Variants in SLC9A8 observed in about 807,000 individuals in gnomAD.
SLC9A8 encodes sodium/hydrogen exchanger 8.
SLC9A8 carries 48 observed loss-of-function variants against 66.6 expected under a neutral mutation model. The ratio of observed to expected loss-of-function variants is 0.72; its 90% CI spans 0.57 to 0.92. The LOEUF (loss-of-function observed/expected upper bound fraction) is 0.92, where lower values mean the gene tolerates loss of function less well. Ranked by LOEUF, SLC9A8 falls within the 40% of genes least tolerant of loss-of-function variation. The probability of loss-of-function intolerance (pLI) is 0.00; values close to 1 mark genes in which losing one functional copy is unlikely to be tolerated. For synonymous variants in SLC9A8, 274 were observed against 282.6 expected (o/e 0.97, Z 0.31); for missense variants, 599 against 747.3 (o/e 0.80, Z 2.31).
At chr20:49,835,725 A>T (rs1262203886) in intron 3 of SLC9A8, among the ~76,000 whole-genome samples, 1 of 119,770 alleles carries the variant, frequency 8.3e-6, no homozygotes, top group Non-Finnish European at 1.6e-5. Flanking sequence ...TTGCTCTATC[A>T]CCCAGGCTGG....
intron 3 of SLC9A8, among the ~76,000 whole-genome samples, chr20:49,833,203 G>A (rs896163171): frequency 3.3e-5 from 5 of 152,128 alleles, no homozygotes; most frequent in Admixed American, 2.6e-4. Context: ...CATGCCTAGC[G>A]TGTCCTTCCC....
chr20:49,843,183 C>T (rs1487899079), intron 4 of SLC9A8, among the ~76,000 whole-genome samples: 1 of 151,836 alleles, frequency 6.6e-6, no homozygotes, highest in Non-Finnish European at 1.5e-5. Context: ...GTAGATTCTC[C>T]TTTTTCCTGG....
rs6012764 is a variant in SLC9A8 at position 49,886,830 on chromosome 20, C to G, written c.1570C>G (p.Leu524Val). The G allele has an allele frequency of 6.2e-7, 1 of 1,614,078 alleles. No homozygotes were observed. The highest frequency in any genetic ancestry group is 8.5e-7 in the Non-Finnish European group (1 of 1,180,032). ...YEAHYIRRQD[L>V]KGFVWLDAKY... is the part of the protein sequence containing the mutation. Reference sequence around the variant, plus strand: ...GGCCCACTACATCAGGCGGCAGGACCTTAAGGGCTTCGTGTGGCTGGACGC... The same window carrying G: ...GGCCCACTACATCAGGCGGCAGGACGTTAAGGGCTTCGTGTGGCTGGACGC... Residue 524 changes from leucine (L) to valine (V), a missense_variant, in exon 15 of 16, where the codon CTT (leucine) becomes GTT (valine). Around this residue, in one of 2 missense-constraint regions of SLC9A8, gnomAD observed 467 missense variants for 626.5 expected, o/e 0.75. Coordinates refer to ENST00000361573, the MANE Select transcript of SLC9A8 (RefSeq NM_015266.3). The surrounding 1 kb of genome is among the most constrained non-coding windows in gnomAD (Gnocchi z 4.8).
intron 5 of SLC9A8, among the ~76,000 whole-genome samples, chr20:49,848,146 A>G (rs539610826): frequency 6.6e-6 from 1 of 151,798 alleles, no homozygotes; most frequent in Non-Finnish European, 1.5e-5. Context: ...TTGGTCTCGA[A>G]CTCCTGACCT....
At chr20:49,854,059 C>T (rs2088362424) in intron 7 of SLC9A8, among the ~76,000 whole-genome samples, 1 of 152,212 alleles carries the variant, frequency 6.6e-6, no homozygotes, top group Non-Finnish European at 1.5e-5. Context: ...AAGCTCAGGG[C>T]AGTCGTCTCT....
Position 49,874,734 on chromosome 20 carries a change from G to A in SLC9A8, c.988G>A (p.Val330Met), listed in dbSNP as rs763285483. 11 of 1,612,770 alleles carry A rather than the reference G, an allele frequency of 6.8e-6. No homozygotes were observed. The highest frequency in any genetic ancestry group is 3.3e-5 in the Admixed American group (2 of 60,026). The change falls in exon 11 of 16, where the codon GTG becomes ATG. Residue 330 changes from valine (V) to methionine (M), a missense_variant. Coordinates refer to ENST00000361573, the MANE Select transcript of SLC9A8 (RefSeq NM_015266.3). ...GIMAILFSGI[V>M]MSHYTHHNLS... ...CATGGCCATCCTTTTCTCAGGCATC[G>A]TGATGTCCCACTACACGCACCATAA...
At chr20:49,877,941 A>G (rs757476891) in intron 11 of SLC9A8, 40 bp from the exon 12 acceptor site, 2 of 1,392,714 alleles carry the variant, frequency 1.4e-6, no homozygotes, top group Non-Finnish European at 2.0e-6. Context: ...TTGGAATGAA[A>G]TCATTGGGGT....
intron 3 of SLC9A8, among the ~76,000 whole-genome samples, chr20:49,823,989 T>A (rs1023115156): frequency 7.2e-5 from 11 of 152,186 alleles, no homozygotes; most frequent in African/African-American, 2.4e-4. Context: ...CACAAGATAG[T>A]TATTGTTTAG....
intron 4 of SLC9A8, among the ~76,000 whole-genome samples, chr20:49,842,926 G>T (rs1172777761): frequency 6.6e-6 from 1 of 152,132 alleles, no homozygotes; most frequent in Admixed American, 6.5e-5. Context: ...GCTTGTGGCC[G>T]CATCACTCCT....
chr20:49,832,259 G>A (rs1383077419), intron 3 of SLC9A8, among the ~76,000 whole-genome samples: 1 of 152,132 alleles, frequency 6.6e-6, no homozygotes. Context: ...CTCAGCTCTT[G>A]ATATGGAAAT....
intron 11 of SLC9A8, 86 bp from the exon 12 acceptor site, chr20:49,877,895 T>C (rs1404557487): frequency 2.3e-6 from 2 of 863,646 alleles, no homozygotes; most frequent in Non-Finnish European, 1.8e-6. Flanking sequence ...GGATTCTGAC[T>C]GTGAATGTTT....
Position 49,874,688 on chromosome 20 carries a change from G to T in SLC9A8, c.959-17G>T. ...ATCACACGGCAGTGCTTTCTGTTCT[G>T]TTCTCTCCCTCTCTAGGCATCATGG... On this transcript the variant is annotated splice_polypyrimidine_tract_variant and intron_variant, in intron 10 of 15. Transcript: ENST00000361573. The T allele has an allele frequency of 2.0e-6, 3 of 1,480,818 alleles. No homozygotes were observed. Among genetic ancestry groups the T allele is most frequent in the Non-Finnish European group, 2.8e-6 (3 of 1,058,630 alleles). 91.7% of individuals were successfully genotyped at this position (1,480,818 alleles called of 1,614,324 possible).
In SLC9A8 at chr20:49,815,244, G is replaced by T; in HGVS notation, c.208+55G>T. ...CTGCCATCCCGTGTCTGTGTGCTCG[G>T]TCTGTGTGTTTAACCCTGTCACTCC... On this transcript the variant is annotated intron_variant, in intron 2 of 15. Coordinates refer to ENST00000361573, the MANE Select transcript of SLC9A8 (RefSeq NM_015266.3). 2.8e-6 allele frequency: 4 copies of T among 1,420,008 alleles called. No individual in the cohort carries two copies. The South Asian group carries it at 6.0e-5, about 21-fold the overall frequency. 88.0% of individuals were successfully genotyped at this position (1,420,008 alleles called of 1,614,324 possible).
At chr20:49,831,474 C>T (rs2087193455) in intron 3 of SLC9A8, among the ~76,000 whole-genome samples, 1 of 152,118 alleles carries the variant, frequency 6.6e-6, no homozygotes, top group Admixed American at 6.5e-5. Context: ...TGCCCAGAAA[C>T]AGCTGCCTGG....
intron 3 of SLC9A8, among the ~76,000 whole-genome samples, chr20:49,827,468 G>C (rs890631745): frequency 6.6e-6 from 1 of 151,616 alleles, no homozygotes; most frequent in Non-Finnish European, 1.5e-5. Flanking sequence ...GTCAGGCATG[G>C]TGGTGCACGC....
intron 2 of SLC9A8, among the ~76,000 whole-genome samples, chr20:49,821,661 T>C (rs1398835927): frequency 6.6e-6 from 1 of 152,162 alleles, no homozygotes; most frequent in African/African-American, 2.4e-5. Flanking sequence ...AATACTGTGG[T>C]TGATGAGCTG....
In SLC9A8 at chr20:49,887,953, T is replaced by A. The variant is rs763948259; in HGVS notation, c.*17T>A. Reference sequence around the variant, plus strand: ...CTGCTCTGACGCCAGGTGCCAAGGCTTCAGGCAGGCAGGCCCAGGATGGGC... The same window carrying A: ...CTGCTCTGACGCCAGGTGCCAAGGCATCAGGCAGGCAGGCCCAGGATGGGC... On this transcript the variant is annotated 3_prime_UTR_variant, in exon 16 of 16. Coordinates refer to ENST00000361573, the MANE Select transcript of SLC9A8 (RefSeq NM_015266.3). 6.2e-7 allele frequency: 1 copy of A among 1,601,500 alleles called. No homozygotes were observed. The highest frequency in any genetic ancestry group is 1.1e-5 in the South Asian group (1 of 90,762).
At position 49,839,542 on chromosome 20, in the gene SLC9A8, T is replaced by A; in HGVS notation, c.291T>A (p.Gly97=). 1 of 1,546,028 alleles carries A rather than the reference T, an allele frequency of 6.5e-7. No individual in the cohort carries two copies. The highest frequency in any genetic ancestry group is 8.9e-7 in the Non-Finnish European group (1 of 1,122,198). ...LPESVAVVSL[G]ILMGAVIKII... Reference sequence around the variant, plus strand: ...TAAAGTTTACATTTTCTCTTGTAGGTATTCTCATGGGAGCAGTTATAAAAA... The same window carrying A: ...TAAAGTTTACATTTTCTCTTGTAGGAATTCTCATGGGAGCAGTTATAAAAA... Residue 97 remains glycine, a splice_region_variant and synonymous_variant, in exon 4 of 16, where the codon GGT becomes GGA. Transcript: ENST00000361573.
At chr20:49,859,899 T>A (rs1310129912) in intron 8 of SLC9A8, among the ~76,000 whole-genome samples, 1 of 152,162 alleles carries the variant, frequency 6.6e-6, no homozygotes, top group Admixed American at 6.5e-5. Flanking sequence ...TGTAGAAAAT[T>A]ACCAGGCCAG....
Sources: gnomAD v4.1 joint callset for allele counts (sites outside exome capture counted in the v4.1 genomes callset) on GRCh38, gnomAD v4.1.1 for gene constraint, gnomAD v4.1.1 regional missense constraint, Gnocchi (gnomAD v3.1) non-coding constraint, MANE v1.5 for transcripts, NCBI Gene and HGNC (gene_info 2026-07-23, HGNC 2026-07-21) for gene names.